ADAD1: variants seen among roughly 807,000 people sequenced by gnomAD.
ADAD1 encodes the protein adenosine deaminase domain containing 1.
In ADAD1, 46 loss-of-function variants were observed where a neutral mutation model predicts 66.8. The observed-to-expected ratio is 0.69, with a 90% CI of 0.54 to 0.88. The LOEUF is 0.88. Among genes scored for constraint, ADAD1 ranks in the 40% least tolerant of loss-of-function variants. ADAD1 has a pLI of 0.00. For synonymous variants in ADAD1, 248 were observed against 229.4 expected (o/e 1.08, Z -0.73); for missense variants, 617 against 681.8 (o/e 0.91, Z 1.06).
At chr4:122,424,298 A>G (rs1423388371) in intron 12 of ADAD1, among the ~76,000 whole-genome samples, 2 of 152,148 alleles carry the variant, frequency 1.3e-5, no homozygotes, top group African/African-American at 2.4e-5. Context: ...TGAAAATGAT[A>G]ATTATGTGGA....
chr4:122,412,848 C>G, intron 10 of ADAD1, 39 bp downstream of exon 10: 1 of 1,524,626 alleles, frequency 6.6e-7, no homozygotes, highest in Non-Finnish European at 9.0e-7. Context: ...CTCTCACTCA[C>G]TAAGCAAATT....
chr4:122,381,280 C>T (rs1794888015), intron 4 of ADAD1, 100 bp downstream of exon 4: 2 of 1,190,982 alleles, frequency 1.7e-6, no homozygotes, highest in African/African-American at 3.2e-5. Context: ...AGTTAGGTAA[C>T]TGATTGTATG....
intron 11 of ADAD1, among the ~76,000 whole-genome samples, chr4:122,416,330 T>C (rs1488319104): frequency 6.6e-6 from 1 of 152,248 alleles, no homozygotes; most frequent in Non-Finnish European, 1.5e-5. Flanking sequence ...AACTGTTCTT[T>C]TAGTGTGAAC....
At chr4:122,406,359 C>T (rs1360743864) in intron 7 of ADAD1, among the ~76,000 whole-genome samples, 1 of 152,038 alleles carries the variant, frequency 6.6e-6, no homozygotes, top group Non-Finnish European at 1.5e-5. Context: ...TGTATGTCTT[C>T]TATAAAAGAA....
chr4:122,403,290 C>A (rs998217880), intron 7 of ADAD1, among the ~76,000 whole-genome samples: 1 of 152,110 alleles, frequency 6.6e-6, no homozygotes, highest in South Asian at 2.1e-4. Flanking sequence ...GCAGGATTAC[C>A]GGGCTCCAGG....
At chr4:122,407,053 T>C (rs1018027474) in intron 7 of ADAD1, among the ~76,000 whole-genome samples, 1 of 151,988 alleles carries the variant, frequency 6.6e-6, no homozygotes, top group Non-Finnish European at 1.5e-5. Flanking sequence ...ACCTCAGCAA[T>C]TGTTGCTGAG....
chr4:122,397,595 G>T (rs2150556850), intron 7 of ADAD1, among the ~76,000 whole-genome samples: 1 of 152,246 alleles, frequency 6.6e-6, no homozygotes, highest in South Asian at 2.1e-4. Context: ...GATTGCAGGG[G>T]TTGAACCTGA....
intron 10 of ADAD1, among the ~76,000 whole-genome samples, chr4:122,414,281 G>C (rs151158214): frequency 7.3e-5 from 9 of 123,954 alleles, no homozygotes; most frequent in South Asian, 3.4e-4. Flanking sequence ...TTTTTGGGGG[G>C]GGGGGTACAA....
chr4:122,407,015 C>A (rs1408664384), intron 7 of ADAD1, among the ~76,000 whole-genome samples: 1 of 151,910 alleles, frequency 6.6e-6, no homozygotes, highest in Non-Finnish European at 1.5e-5. Flanking sequence ...TTCCTAACAT[C>A]TACTTTTGTT....
At chr4:122,398,590 C>A (rs1325997563) in intron 7 of ADAD1, among the ~76,000 whole-genome samples, 1 of 152,050 alleles carries the variant, frequency 6.6e-6, no homozygotes, top group Non-Finnish European at 1.5e-5. Context: ...TACATTCCCA[C>A]CAGCATTGTA....
At chr4:122,415,267 G>A (rs1796676962) in intron 10 of ADAD1, 112 bp from the exon 11 acceptor site, 2 of 798,176 alleles carry the variant, frequency 2.5e-6, no homozygotes, top group Non-Finnish European at 3.9e-6. Flanking sequence ...AGGGAAGGTT[G>A]AAAGATAAAG....
In ADAD1 at chr4:122,407,978, A is replaced by G; in HGVS notation, c.795A>G (p.Gly265=). Residue 265 remains glycine (G), a synonymous_variant, in exon 8 of 13, where the codon GGA becomes GGG. Transcript: ENST00000296513. The part of the protein sequence containing the change: ...YNYSQDIKPD[G]RVLHDTHAVV... The stretch of plus-strand genomic sequence containing the variant: ...ACAGCCAGGACATTAAGCCAGATGG[A>G]AGAGTATTGCATGACACTCATGCTG... 6.2e-7 allele frequency: 1 copy of G among 1,613,820 alleles called. No homozygotes were observed. The highest frequency in any genetic ancestry group is 1.1e-5 in the South Asian group (1 of 91,072).
At chr4:122,409,688 G>GT (rs1796382465) in intron 8 of ADAD1, among the ~76,000 whole-genome samples, 1 of 151,798 alleles carries the variant, frequency 6.6e-6, no homozygotes, top group Non-Finnish European at 1.5e-5. Context: ...GTTTTGGGCG[G>GT]TTTTTTGTGT....
chr4:122,429,062 T>A (rs970493490), intron 12 of ADAD1, among the ~76,000 whole-genome samples: 2 of 151,980 alleles, frequency 1.3e-5, no homozygotes, highest in African/African-American at 2.4e-5. Flanking sequence ...ATTTCCTTCT[T>A]TATATTTTGT....
chr4:122,418,311 T>G (rs371667960), intron 11 of ADAD1, among the ~76,000 whole-genome samples: 1 of 120,170 alleles, frequency 8.3e-6, no homozygotes, highest in African/African-American at 5.2e-5. Context: ...ATTTTCTTTT[T>G]TTTTTTTTTT....
intron 12 of ADAD1, among the ~76,000 whole-genome samples, chr4:122,427,157 T>C (rs545895068): frequency 6.6e-6 from 1 of 152,168 alleles, no homozygotes; most frequent in Non-Finnish European, 1.5e-5. Context: ...AAGAGCAATA[T>C]AGAAAAATAA....
chr4:122,407,974 A>G lies in ADAD1; in HGVS notation c.791A>G (p.Asp264Gly). ...EYNYSQDIKP[D>G]GRVLHDTHAV... ...AATTACAGCCAGGACATTAAGCCAG[A>G]TGGAAGAGTATTGCATGACACTCAT... Residue 264 changes from aspartate (D) to glycine (G), a missense_variant, in exon 8 of 13, where the codon GAT (aspartate) becomes GGT (glycine). Physicochemically the swap from Asp to Gly is moderately conservative, Grantham distance 94 (BLOSUM62 -1). Transcript: ENST00000296513. The G allele has an allele frequency of 6.2e-7, 1 of 1,613,882 alleles. No individual in the cohort carries two copies. The highest frequency in any genetic ancestry group is 1.1e-5 in the South Asian group (1 of 91,080).
intron 7 of ADAD1, among the ~76,000 whole-genome samples, chr4:122,407,396 A>G (rs1796263575): frequency 6.6e-6 from 1 of 152,212 alleles, no homozygotes; most frequent in African/African-American, 2.4e-5. Flanking sequence ...TGAATGGAGC[A>G]AAGTTACTGG....
At chr4:122,379,929 G>C (rs940868898) in intron 2 of ADAD1, 133 bp from the exon 3 acceptor site, 5 of 842,882 alleles carry the variant, frequency 5.9e-6, no homozygotes, top group Non-Finnish European at 7.3e-6. Context: ...GTTCAAGAGG[G>C]ATTTGACTCT....
Sources: allele counts gnomAD v4.1 joint callset (sites outside exome capture counted in the v4.1 genomes callset), GRCh38; gene constraint gnomAD v4.1.1; transcripts MANE v1.5; gene names NCBI Gene and HGNC (gene_info 2026-07-23, HGNC 2026-07-21).